ASH1L: variants seen among roughly 807,000 people sequenced by gnomAD.
ASH1L encodes the protein ASH1 like histone lysine methyltransferase.
Under a neutral mutation model 269.0 loss-of-function variants are expected in ASH1L, and 23 were observed. That is an observed-to-expected ratio of 0.09 (90% CI 0.06 to 0.12). ASH1L has a LOEUF of 0.12. Ranked by LOEUF, ASH1L falls within the 10% of genes least tolerant of loss-of-function variation. ASH1L has a pLI of 1.00. For synonymous variants in ASH1L, 1,187 were observed against 1,253.5 expected (o/e 0.95, Z 1.12); for missense variants, 2,912 against 3,567.8 (o/e 0.82, Z 4.68).
rs1311637370 is a variant in ASH1L, at chr1:155,478,942, AATG to A, written c.3925_3927del (p.His1309del). ...GTTGGCAGAAGATCTCGGGGGATAAAATGATGACTTCGATGAGTGATCCGAATT... is the reference window on the plus strand; with the variant it reads ...GTTGGCAGAAGATCTCGGGGGATAAAATGACTTCGATGAGTGATCCGAATT... On this transcript the variant is annotated inframe_deletion, in exon 3 of 28. Coordinates refer to ENST00000392403, the MANE Select transcript of ASH1L (RefSeq NM_018489.3). The surrounding 1 kb of genome is among the most constrained non-coding windows in gnomAD (Gnocchi z 4.6). 6.2e-7 allele frequency: 1 copy of A among 1,613,734 alleles called. No homozygotes were observed. Among genetic ancestry groups the A allele is most frequent in the African/African-American group, 1.3e-5 (1 of 74,822 alleles).
At chr1:155,555,979 G>A (rs998200302) in intron 1 of ASH1L, among the ~76,000 whole-genome samples, 1 of 152,190 alleles carries the variant, frequency 6.6e-6, no homozygotes, top group Non-Finnish European at 1.5e-5. Context: ...TGGTAGATGT[G>A]GAAACAGTGT....
chr1:155,537,386 A>C (rs908517595), intron 1 of ASH1L, among the ~76,000 whole-genome samples: 1 of 152,222 alleles, frequency 6.6e-6, no homozygotes, highest in African/African-American at 2.4e-5. Context: ...ACACTATGCC[A>C]AAGTGGTTTC....
chr1:155,437,212 G>C (rs986421126), intron 5 of ASH1L, among the ~76,000 whole-genome samples: 1 of 152,158 alleles, frequency 6.6e-6, no homozygotes, highest in Non-Finnish European at 1.5e-5. Flanking sequence ...TGCCGGTTAA[G>C]AGAATAATAT....
At chr1:155,553,725 G>A (rs943773269) in intron 1 of ASH1L, among the ~76,000 whole-genome samples, 4 of 151,930 alleles carry the variant, frequency 2.6e-5, no homozygotes, top group Admixed American at 1.3e-4. Flanking sequence ...ATGTATCGTA[G>A]TATGTTTGTT....
intron 10 of ASH1L, among the ~76,000 whole-genome samples, chr1:155,376,900 C>T (rs775204599): frequency 1.3e-5 from 2 of 151,014 alleles, no homozygotes; most frequent in Non-Finnish European, 1.5e-5. Context: ...AAAGTCATAA[C>T]TCATAATTCT....
intron 1 of ASH1L, among the ~76,000 whole-genome samples, chr1:155,558,316 T>TA (rs1200005188): frequency 1.3e-5 from 2 of 151,592 alleles, no homozygotes; most frequent in Admixed American, 6.6e-5. Context: ...TAAAAATACA[T>TA]AAAAAATAGC....
chr1:155,348,754 G>T (rs1016962830), intron 19 of ASH1L, among the ~76,000 whole-genome samples: 1 of 151,836 alleles, frequency 6.6e-6, no homozygotes, highest in African/African-American at 2.4e-5. Context: ...GGTGGCAGGC[G>T]CCTATAATCC....
chr1:155,404,565 A>C (rs765584510), intron 6 of ASH1L, among the ~76,000 whole-genome samples: 6 of 152,126 alleles, frequency 3.9e-5, no homozygotes, highest in African/African-American at 1.4e-4. Flanking sequence ...GATCTTAAGC[A>C]AAGTCAAGAC....
intron 4 of ASH1L, among the ~76,000 whole-genome samples, chr1:155,450,749 A>T (rs1232870914): frequency 1.3e-5 from 2 of 152,236 alleles, no homozygotes; most frequent in Non-Finnish European, 2.9e-5. Flanking sequence ...TCTGTTCACC[A>T]TTGCTCATAG....
intron 7 of ASH1L, among the ~76,000 whole-genome samples, chr1:155,387,619 G>C (rs1205934227): frequency 6.6e-6 from 1 of 152,098 alleles, no homozygotes; most frequent in Non-Finnish European, 1.5e-5. Context: ...TGGCTATTTA[G>C]GTTCTTTTTT....
At position 155,344,248 on chromosome 1, in the gene ASH1L, T is replaced by G. The variant is rs1366366738; in HGVS notation, c.7916A>C (p.His2639Pro). Residue 2639 changes from histidine (H) to proline (P), a missense_variant, in exon 22 of 28, where the codon CAC (histidine) becomes CCC (proline). His to Pro is a moderately conservative substitution (Grantham distance 77, BLOSUM62 -2). Transcript: ENST00000392403. ...GTAGACACAGCCAGGTTGGGCATAG[T>G]GGGGCCGAGGGATCATGGGAACCTC... is the stretch of plus-strand genomic sequence containing the variant. ...DREVPMIPRPHYAQPGCVYFI... is the reference protein window; with the variant it reads ...DREVPMIPRPPYAQPGCVYFI... 7 of 1,614,086 alleles carry G rather than the reference T, an allele frequency of 4.3e-6. No individual in the cohort carries two copies. In the East Asian group the frequency reaches 8.9e-5, roughly 21 times the overall value.
chr1:155,364,373 G>C (rs1655226133), intron 12 of ASH1L, among the ~76,000 whole-genome samples: 1 of 152,138 alleles, frequency 6.6e-6, no homozygotes, highest in Non-Finnish European at 1.5e-5. Context: ...TGGTTTACCG[G>C]TTATGTTTAG....
In ASH1L at chr1:155,370,567, C is replaced by A; in HGVS notation, c.6623G>T (p.Arg2208Leu). The A allele has an allele frequency of 6.2e-7, 1 of 1,614,128 alleles. No individual in the cohort carries two copies. Among genetic ancestry groups the A allele is most frequent in the Middle Eastern group, 1.7e-4 (1 of 6,058 alleles). ...GATGAATCGGGCCTCATTTCCCATG[C>A]GGTAACTGTCAATCACCATCCCACT... ...LDSGMVIDSY[R>L]MGNEARFINH... Residue 2208 changes from arginine to leucine, a missense_variant, in exon 12 of 28, where the codon CGC becomes CTC. Around this residue, in one of 13 missense-constraint regions of ASH1L, gnomAD observed 193 missense variants for 311.6 expected, o/e 0.62. Transcript: ENST00000392403.
chr1:155,397,487 A>C (rs1450225868), intron 6 of ASH1L, among the ~76,000 whole-genome samples: 1 of 151,530 alleles, frequency 6.6e-6, no homozygotes, highest in African/African-American at 2.4e-5. Flanking sequence ...ACAAGAGCGA[A>C]ACTCTGTCTC....
In ASH1L at chr1:155,433,322, G is replaced by A. The variant is rs536736505; in HGVS notation, c.5828+5005C>T. 552 of 1,584,400 alleles carry A rather than the reference G, an allele frequency of 3.5e-4. 1 individual carries two copies. Among genetic ancestry groups the A allele is most frequent in the Non-Finnish European group, 4.0e-4 (464 of 1,166,156 alleles). Reference sequence around the variant, plus strand: ...AGGCCCTCCTGGAGGGCCAGGAATCGGGCCGGGAGTTGGGTCAGGCTCTGA... The same window carrying A: ...AGGCCCTCCTGGAGGGCCAGGAATCAGGCCGGGAGTTGGGTCAGGCTCTGA... On this transcript the variant is annotated intron_variant, in intron 5 of 27. Coordinates refer to ENST00000392403, the MANE Select transcript of ASH1L (RefSeq NM_018489.3).
chr1:155,426,512 A>G lies in ASH1L; in HGVS notation c.5829-10589T>C, dbSNP rs141132499. Among the ~76,000 whole-genome samples, 500 of 151,824 alleles carry G rather than the reference A, an allele frequency of 3.3e-3. 3 individuals are homozygous for G. Among genetic ancestry groups the G allele is most frequent in the African/African-American group, 0.012 (483 of 41,374 alleles). ...CACCGCGCCTGGCCCATTAATTTTT[A>G]TATTTTTAATAGAGATAGGGTTTCA... On this transcript the variant is annotated intron_variant, in intron 5 of 27. Coordinates refer to ENST00000392403, the MANE Select transcript of ASH1L (RefSeq NM_018489.3).
At chr1:155,528,988 A>AATG (rs1163449110) in intron 1 of ASH1L, among the ~76,000 whole-genome samples, 1 of 152,068 alleles carries the variant, frequency 6.6e-6, no homozygotes, top group African/African-American at 2.4e-5. Context: ...TGCCAAAGAT[A>AATG]ATGGCCTCCA....
intron 1 of ASH1L, among the ~76,000 whole-genome samples, chr1:155,551,136 C>CT (rs1390172127): frequency 6.6e-6 from 1 of 152,112 alleles, no homozygotes; most frequent in South Asian, 2.1e-4. Context: ...TTATTTGACT[C>CT]TTTTTTTGTT....
At chr1:155,526,576 C>T (rs979489323) in intron 1 of ASH1L, among the ~76,000 whole-genome samples, 24 of 152,148 alleles carry the variant, frequency 1.6e-4, no homozygotes, top group African/African-American at 5.1e-4. Flanking sequence ...TCTATTCCCT[C>T]TACCACTCTC....
Sources: allele counts gnomAD v4.1 joint callset (sites outside exome capture counted in the v4.1 genomes callset), GRCh38; gene constraint gnomAD v4.1.1; regional missense constraint gnomAD v4.1.1; non-coding constraint Gnocchi (gnomAD v3.1); transcripts MANE v1.5; gene names NCBI Gene and HGNC (gene_info 2026-07-23, HGNC 2026-07-21).